Variants in ZC3H12B observed in about 807,000 individuals in gnomAD.
The protein encoded by ZC3H12B is zinc finger CCCH-type containing 12B, also known as probable ribonuclease ZC3H12B.
Under a neutral mutation model 43.9 loss-of-function variants are expected in ZC3H12B, and 7 were observed. The observed-to-expected ratio is 0.16, with a 90% CI of 0.09 to 0.30. ZC3H12B has a LOEUF of 0.30. ZC3H12B is among the 10% of genes least tolerant of loss of function. The probability of loss-of-function intolerance (pLI) is 1.00; values close to 1 mark genes in which losing one functional copy is unlikely to be tolerated. For synonymous variants in ZC3H12B, 222 were observed against 241.7 expected, an observed-to-expected ratio of 0.92 and a Z score of 0.76; for missense variants, 475 against 670.2, an observed-to-expected ratio of 0.71 and a Z score of 3.22.
chrX:65,507,153 T>G (rs899899603), exon 5 of ZC3H12B: 3 of 112,496 alleles, frequency 2.7e-5, no homozygotes, highest in Non-Finnish European at 5.6e-5. Context: ...ATCTGTGCTG[T>G]AAGTATGGGA....
chrX:65,276,359 A>G, the ZC3H12B span, among the ~76,000 whole-genome samples: 3 of 111,511 alleles, frequency 2.7e-5, no homozygotes, highest in Non-Finnish European at 5.7e-5. Flanking sequence ...CCCCAAATAG[A>G]TTGAACCCAG....
the ZC3H12B span, among the ~76,000 whole-genome samples, chrX:65,163,603 C>T: frequency 8.9e-6 from 1 of 111,779 alleles, no homozygotes; most frequent in Non-Finnish European, 1.9e-5. Flanking sequence ...CCTGGTGCGC[C>T]GTTTTTTAAG....
chrX:65,402,717 G>T (rs146481318), intron 3 of ZC3H12B, among the ~76,000 whole-genome samples: 3 of 112,440 alleles, frequency 2.7e-5, no homozygotes, highest in Middle Eastern at 9.2e-3. Context: ...TCTCGTTTAC[G>T]ACCATCAAGG....
chrX:65,320,370 C>A, the ZC3H12B span, among the ~76,000 whole-genome samples: 1 of 111,328 alleles, frequency 9.0e-6, no homozygotes, highest in African/African-American at 3.3e-5. Flanking sequence ...ATGAGAAATA[C>A]AAAACACTGT....
the ZC3H12B span, among the ~76,000 whole-genome samples, chrX:65,166,556 A>G: frequency 8.9e-6 from 1 of 111,892 alleles, no homozygotes; most frequent in African/African-American, 3.3e-5. Context: ...TTCAGTATAT[A>G]AGCAGTAATG....
the ZC3H12B span, among the ~76,000 whole-genome samples, chrX:65,311,943 A>G: frequency 1.8e-5 from 2 of 111,298 alleles, no homozygotes; most frequent in Admixed American, 9.5e-5. Flanking sequence ...GAATTGAACA[A>G]TGAGAACACT....
At chrX:65,405,183 C>T (rs1198093480) in intron 3 of ZC3H12B, among the ~76,000 whole-genome samples, 1 of 112,087 alleles carries the variant, frequency 8.9e-6, no homozygotes, top group Non-Finnish European at 1.9e-5. Context: ...CTATGGGATA[C>T]AGCAAAAGCA....
the ZC3H12B span, among the ~76,000 whole-genome samples, chrX:65,156,644 G>A: frequency 1.8e-5 from 2 of 111,004 alleles, no homozygotes; most frequent in African/African-American, 6.5e-5. Flanking sequence ...GCCTCCCAAA[G>A]TGCTGGGATT....
the ZC3H12B span, among the ~76,000 whole-genome samples, chrX:65,227,933 C>A: frequency 8.9e-6 from 1 of 111,773 alleles, no homozygotes; most frequent in Non-Finnish European, 1.9e-5. Context: ...GATGGATTCA[C>A]AGCCGAATTC....
intron 3 of ZC3H12B, among the ~76,000 whole-genome samples, chrX:65,399,876 C>T (rs2066743430): frequency 9.0e-6 from 1 of 111,541 alleles, no homozygotes; most frequent in Non-Finnish European, 1.9e-5. Flanking sequence ...CTGTCATTTG[C>T]AACAACATGG....
chrX:65,072,464 G>A, the ZC3H12B span, among the ~76,000 whole-genome samples: 1 of 112,539 alleles, frequency 8.9e-6, no homozygotes, highest in South Asian at 3.7e-4. Flanking sequence ...AAGCACTCTG[G>A]CTTTTTGAGC....
chrX:65,222,227 A>T, the ZC3H12B span, among the ~76,000 whole-genome samples: 1 of 111,552 alleles, frequency 9.0e-6, no homozygotes, highest in Admixed American at 9.6e-5. Context: ...TCTATGACAA[A>T]TCCACAGTTA....
chrX:65,315,918 G>A, the ZC3H12B span, among the ~76,000 whole-genome samples: 2 of 111,637 alleles, frequency 1.8e-5, no homozygotes, highest in Non-Finnish European at 3.8e-5. Flanking sequence ...TGAACTTAAG[G>A]AGTAAAATAA....
At chrX:65,304,300 G>A in the ZC3H12B span, among the ~76,000 whole-genome samples, 1 of 111,521 alleles carries the variant, frequency 9.0e-6, no homozygotes, top group African/African-American at 3.3e-5. Flanking sequence ...TAGAATAATT[G>A]AGTAACCATA....
chrX:65,503,303 G>T (rs778715695), exon 5 of ZC3H12B: 1 of 802,672 alleles, frequency 1.2e-6, no homozygotes, highest in African/African-American at 2.1e-5. Context: ...TTTGTGTTGC[G>T]CTTTACAAGT....
chrX:65,331,012 C>T, the ZC3H12B span: 1 of 333,041 alleles, frequency 3.0e-6, no homozygotes, highest in South Asian at 3.1e-5. Flanking sequence ...GACTTTTTGA[C>T]GTTCTGTTTC....
At chrX:65,430,585 C>T (rs1337477460) in intron 3 of ZC3H12B, among the ~76,000 whole-genome samples, 4 of 100,489 alleles carry the variant, frequency 4.0e-5, no homozygotes, top group African/African-American at 1.5e-4. Context: ...TGAGTGAGAA[C>T]ATGCGGTGTT....
At chrX:65,453,955 T>G (rs1328697368) in intron 3 of ZC3H12B, among the ~76,000 whole-genome samples, 1 of 111,519 alleles carries the variant, frequency 9.0e-6, no homozygotes, top group Admixed American at 9.5e-5. Context: ...GACTACACAT[T>G]GGGTACAGTG....
chrX:65,324,628 T>G, the ZC3H12B span, among the ~76,000 whole-genome samples: 14 of 111,676 alleles, frequency 1.3e-4, 1 homozygote, highest in South Asian at 4.8e-3. Context: ...TGTTATTGAT[T>G]TCTGGTTTTA....
Sources: allele counts gnomAD v4.1 joint callset (sites outside exome capture counted in the v4.1 genomes callset), GRCh38; gene constraint gnomAD v4.1.1; transcripts MANE v1.5; gene names NCBI Gene and HGNC (gene_info 2026-07-23, HGNC 2026-07-21).